Variants in ERC2 observed in about 807,000 individuals in gnomAD.
ERC2 encodes ELKS/RAB6-interacting/CAST family member 2.
In ERC2, 42 loss-of-function variants were observed where a neutral mutation model predicts 114.8. The ratio of observed to expected loss-of-function variants is 0.37; its 90% CI spans 0.29 to 0.47. The LOEUF (loss-of-function observed/expected upper bound fraction) is 0.47. Among genes scored for constraint, ERC2 ranks in the 20% least tolerant of loss-of-function variants. The pLI is 0.99. For synonymous variants in ERC2, 454 were observed against 425.5 expected (o/e 1.07, Z -0.82); for missense variants, 939 against 1,150.7 (o/e 0.82, Z 2.66).
In ERC2 at chr3:56,114,668, C is replaced by T. The variant is rs375145258; in HGVS notation, c.1473+24841G>A. Among the ~76,000 whole-genome samples, 7 of 152,214 alleles carry T rather than the reference C, an allele frequency of 4.6e-5. No individual in the cohort carries two copies. In the East Asian group the frequency reaches 1.2e-3, roughly 25 times the overall value. On this transcript the variant is annotated intron_variant, in intron 6 of 17. Coordinates refer to ENST00000288221, the MANE Select transcript of ERC2 (RefSeq NM_015576.3). ...ACAAGACACCCTCCCACCACTTCAG[C>T]ATGTTCACCAGCCTGAAACTGCCCT... is the stretch of plus-strand genomic sequence containing the variant.
At chr3:55,981,313 T>TAAG (rs532827138) in intron 12 of ERC2, among the ~76,000 whole-genome samples, 140 of 152,326 alleles carry the variant, frequency 9.2e-4, no homozygotes, top group African/African-American at 3.3e-3. Flanking sequence ...AGCATTAGAA[T>TAAG]AAGGCAGCTT....
intron 2 of ERC2, among the ~76,000 whole-genome samples, chr3:56,334,914 C>T (rs962955552): frequency 4.6e-5 from 7 of 152,332 alleles, no homozygotes; most frequent in African/African-American, 1.2e-4. Context: ...AGGTGATCCT[C>T]GTGCCTCAGT....
Position 56,112,824 on chromosome 3 carries a change from G to A in ERC2, c.1473+26685C>T, listed in dbSNP as rs77165995. 3.6e-3 allele frequency among the ~76,000 whole-genome samples: 545 copies of A among 152,070 alleles called. 1 individual carries two copies. The highest frequency in any genetic ancestry group is 0.02 in the Middle Eastern group (6 of 294). On this transcript the variant is annotated intron_variant, in intron 6 of 17. Transcript: ENST00000288221. ...CAGTCTAAATTTCCCATTTCCACCG[G>A]GAGGTCAACACCACACTCCTCTGAT... is the stretch of plus-strand genomic sequence containing the variant.
chr3:55,961,792 TA>T (rs1322743597), intron 12 of ERC2, among the ~76,000 whole-genome samples: 8 of 140,980 alleles, frequency 5.7e-5, no homozygotes, highest in East Asian at 2.1e-4. Flanking sequence ...CACTTTCTAT[TA>T]AAAAAAATTC....
At chr3:56,405,781 C>G (rs2060695622) in intron 2 of ERC2, among the ~76,000 whole-genome samples, 1 of 150,490 alleles carries the variant, frequency 6.6e-6, no homozygotes, top group Non-Finnish European at 1.5e-5. Context: ...TAGTTCCCAT[C>G]TTTTATCAAT....
At chr3:56,182,978 C>T (rs992051422) in intron 3 of ERC2, among the ~76,000 whole-genome samples, 5 of 152,120 alleles carry the variant, frequency 3.3e-5, no homozygotes, top group African/African-American at 1.2e-4. Flanking sequence ...ACCACAATTA[C>T]TTTCAAATTT....
At chr3:56,189,634 A>C (rs989962922) in intron 3 of ERC2, among the ~76,000 whole-genome samples, 3 of 152,218 alleles carry the variant, frequency 2.0e-5, no homozygotes, top group Non-Finnish European at 4.4e-5. Flanking sequence ...AGTCCGGGCC[A>C]ATCCCCCTAG....
At chr3:56,392,371 G>T (rs771301431) in intron 2 of ERC2, among the ~76,000 whole-genome samples, 5 of 152,106 alleles carry the variant, frequency 3.3e-5, no homozygotes, top group Non-Finnish European at 7.4e-5. Flanking sequence ...TATGGTATTT[G>T]CTACCACCAA....
intron 1 of ERC2, among the ~76,000 whole-genome samples, chr3:56,440,223 C>T (rs1357686477): frequency 6.6e-6 from 1 of 152,162 alleles, no homozygotes; most frequent in African/African-American, 2.4e-5. Flanking sequence ...TTCCCTATTC[C>T]TGAAATGTTT....
At chr3:55,848,481 C>T (rs2061452462) in intron 14 of ERC2, among the ~76,000 whole-genome samples, 1 of 152,210 alleles carries the variant, frequency 6.6e-6, no homozygotes, top group African/African-American at 2.4e-5. Flanking sequence ...TAAAAGCCTT[C>T]CATGTTTCCC....
intron 13 of ERC2, among the ~76,000 whole-genome samples, chr3:55,929,317 C>T (rs2065935390): frequency 6.6e-6 from 1 of 152,180 alleles, no homozygotes; most frequent in African/African-American, 2.4e-5. Context: ...GAGACTCCCT[C>T]ACAATGGCAG....
At chr3:55,577,858 G>A (rs560225630) in intron 17 of ERC2, among the ~76,000 whole-genome samples, 1 of 152,322 alleles carries the variant, frequency 6.6e-6, no homozygotes, top group South Asian at 2.1e-4. Flanking sequence ...AATGGAAGAG[G>A]TTGTCTAGAC....
intron 14 of ERC2, among the ~76,000 whole-genome samples, chr3:55,751,827 C>A (rs1337542456): frequency 1.3e-5 from 2 of 152,128 alleles, no homozygotes; most frequent in Admixed American, 6.6e-5. Flanking sequence ...ATAATTCTAA[C>A]AATGGAGGAA....
intron 2 of ERC2, among the ~76,000 whole-genome samples, chr3:56,404,757 C>G (rs984029367): frequency 1.3e-5 from 2 of 151,832 alleles, no homozygotes; most frequent in Non-Finnish European, 2.9e-5. Context: ...ACAAGATCTC[C>G]TTTTTAAGGG....
intron 3 of ERC2, among the ~76,000 whole-genome samples, chr3:56,207,886 G>T (rs1330649360): frequency 3.9e-5 from 6 of 152,112 alleles, no homozygotes; most frequent in Non-Finnish European, 1.5e-5. Context: ...CACACTTCAG[G>T]AGTCTAGAAA....
chr3:55,571,976 C>T (rs1463712233), intron 17 of ERC2, among the ~76,000 whole-genome samples: 1 of 152,220 alleles, frequency 6.6e-6, no homozygotes, highest in Non-Finnish European at 1.5e-5. Flanking sequence ...AGGCCACCTA[C>T]CTGGGCCGAA....
At chr3:56,297,769 T>C (rs1157855958) in intron 2 of ERC2, among the ~76,000 whole-genome samples, 1 of 152,226 alleles carries the variant, frequency 6.6e-6, no homozygotes, top group African/African-American at 2.4e-5. Context: ...CATGGGGTAA[T>C]ACTATAAGTT....
At chr3:56,376,889 A>G (rs2059566204) in intron 2 of ERC2, among the ~76,000 whole-genome samples, 1 of 152,216 alleles carries the variant, frequency 6.6e-6, no homozygotes. Flanking sequence ...AGAAGTCGCA[A>G]TACATGGGAG....
chr3:56,459,258 T>G (rs1275801144), intron 1 of ERC2, among the ~76,000 whole-genome samples: 2 of 152,222 alleles, frequency 1.3e-5, no homozygotes, highest in East Asian at 3.8e-4. Flanking sequence ...CTTACTGCAA[T>G]TAGTCATACC....
Sources: gnomAD v4.1 joint callset for allele counts (sites outside exome capture counted in the v4.1 genomes callset) on GRCh38, gnomAD v4.1.1 for gene constraint, MANE v1.5 for transcripts, NCBI Gene and HGNC (gene_info 2026-07-23, HGNC 2026-07-21) for gene names.